The following TMEM184C variants were observed in gnomAD, a reference collection of about 807,000 sequenced individuals.
TMEM184C encodes transmembrane protein 184C.
TMEM184C carries 25 observed loss-of-function variants against 54.5 expected under a neutral mutation model. That is an observed-to-expected ratio of 0.46 (90% CI 0.33 to 0.64). The LOEUF (loss-of-function observed/expected upper bound fraction) is 0.64. Ranked by LOEUF, TMEM184C falls within the 30% of genes least tolerant of loss-of-function variation. TMEM184C has a pLI of 0.02. For missense variants in TMEM184C, 335 were observed against 520.3 expected, an observed-to-expected ratio of 0.64 and a Z score of 3.46; for synonymous variants, 148 against 181.5, an observed-to-expected ratio of 0.82 and a Z score of 1.49.
chr4:147,625,033 T>C, intron 4 of TMEM184C, 24 bp downstream of exon 4: 1 of 1,611,064 alleles, frequency 6.2e-7, no homozygotes, highest in Non-Finnish European at 8.5e-7. Context: ...GTTTAATTCT[T>C]TTATGTTTTG....
intron 9 of TMEM184C, 35 bp downstream of exon 9, chr4:147,633,971 T>G: frequency 6.3e-7 from 1 of 1,585,004 alleles, no homozygotes; most frequent in South Asian, 1.2e-5. Flanking sequence ...CCAAATAGGT[T>G]GGGTAGGATA....
intron 1 of TMEM184C, among the ~76,000 whole-genome samples, chr4:147,623,178 G>A (rs1395726951): frequency 6.6e-6 from 1 of 152,174 alleles, no homozygotes; most frequent in Non-Finnish European, 1.5e-5. Flanking sequence ...CGTGCACGGT[G>A]GCTCATGCCT....
At chr4:147,627,992 A>G (rs1732845781) in intron 4 of TMEM184C, among the ~76,000 whole-genome samples, 1 of 150,596 alleles carries the variant, frequency 6.6e-6, no homozygotes. Context: ...GTGAGACCCC[A>G]TGTCTACAGA....
chr4:147,633,120 G>A (rs890156703), intron 8 of TMEM184C, 118 bp downstream of exon 8: 4 of 747,838 alleles, frequency 5.3e-6, no homozygotes, highest in African/African-American at 3.6e-5. Flanking sequence ...CTTTACAGGT[G>A]AGAAAACAGG....
At chr4:147,623,996 TTG>T (rs1248582966) in intron 2 of TMEM184C, 32 bp downstream of exon 2, 6 of 1,612,344 alleles carry the variant, frequency 3.7e-6, no homozygotes, top group Non-Finnish European at 5.1e-6. Flanking sequence ...TCCACTACTG[TTG>T]TGTTGGCTTA....
rs1180184624 is a variant in TMEM184C at position 147,631,399 on chromosome 4, A to G, written c.673A>G (p.Met225Val). 1 of 1,574,506 alleles carries G rather than the reference A, an allele frequency of 6.4e-7. No homozygotes were observed. The highest frequency in any genetic ancestry group is 1.4e-5 in the African/African-American group (1 of 72,100). ...IINNMSQLFA[M>V]YCLLLFYKVL... is the part of the protein sequence containing the mutation. Reference sequence around the variant, plus strand: ...ATGTTAATCTTGTTTCTAGTTTGCCATGTATTGTCTCCTGCTCTTTTATAA... The same window carrying G: ...ATGTTAATCTTGTTTCTAGTTTGCCGTGTATTGTCTCCTGCTCTTTTATAA... The change falls in exon 7 of 10, where the codon ATG (methionine) becomes GTG (valine). Residue 225 changes from methionine to valine, a missense_variant. Physicochemically the swap from Met to Val is conservative, Grantham distance 21 (BLOSUM62 1). Coordinates refer to ENST00000296582, the MANE Select transcript of TMEM184C (RefSeq NM_018241.3).
chr4:147,628,928 A>C lies in TMEM184C; in HGVS notation c.572+493A>C, dbSNP rs550413820. Reference sequence around the variant, plus strand: ...AACTATTCCCTAAAAATTCAAGAACATCAAATACTTTAATGCCAATAGATT... The same window carrying C: ...AACTATTCCCTAAAAATTCAAGAACCTCAAATACTTTAATGCCAATAGATT... On this transcript the variant is annotated intron_variant, in intron 5 of 9. Coordinates refer to ENST00000296582, the MANE Select transcript of TMEM184C (RefSeq NM_018241.3). Among the ~76,000 whole-genome samples the C allele has an allele frequency of 3.9e-5, 6 of 152,336 alleles. No homozygotes were observed. In the South Asian group the frequency reaches 1.2e-3, roughly 32 times the overall value.
chr4:147,617,819 T>G lies in TMEM184C; in HGVS notation c.-138T>G, dbSNP rs1023776363. On this transcript the variant is annotated 5_prime_UTR_variant, in exon 1 of 10. Coordinates refer to ENST00000296582, the MANE Select transcript of TMEM184C (RefSeq NM_018241.3). ...ACACAGCGCCGGTCCAGGAGGCGGC[T>G]CGAGCTGTTCGTAAAGTCGCCCGAC... is the stretch of plus-strand genomic sequence containing the variant. 2 of 1,239,992 alleles carry G rather than the reference T, an allele frequency of 1.6e-6. No individual in the cohort carries two copies. Among genetic ancestry groups the G allele is most frequent in the Admixed American group, 3.6e-5 (2 of 55,996 alleles). The allele number at this position is 1,239,992 out of a possible 1,614,324, so 76.8% of individuals were successfully genotyped here.
At position 147,631,476 on chromosome 4, in the gene TMEM184C, T is replaced by C. The variant is rs1732915896; in HGVS notation, c.750T>C (p.Cys250=). 2.5e-6 allele frequency: 4 copies of C among 1,607,690 alleles called. No individual in the cohort carries two copies. The highest frequency in any genetic ancestry group is 2.7e-5 in the African/African-American group (2 of 74,482). Residue 250 remains cysteine, a synonymous_variant, in exon 7 of 10, where the codon TGT becomes TGC. Coordinates refer to ENST00000296582, the MANE Select transcript of TMEM184C (RefSeq NM_018241.3). ...TCCAACCTGTTGGCAAATTTCTTTGTGTAAAGCTGGTGGTTTTTGTTTCTT... is the reference window on the plus strand; with the variant it reads ...TCCAACCTGTTGGCAAATTTCTTTGCGTAAAGCTGGTGGTTTTTGTTTCTT... ...SPIQPVGKFL[C]VKLVVFVSFW...
chr4:147,626,027 G>C (rs1181594794), intron 4 of TMEM184C, among the ~76,000 whole-genome samples: 1 of 152,112 alleles, frequency 6.6e-6, no homozygotes, highest in Non-Finnish European at 1.5e-5. Context: ...TACTGAGTCA[G>C]TTCCTGGGTG....
At chr4:147,618,785 C>CA (rs1732648710) in intron 1 of TMEM184C, among the ~76,000 whole-genome samples, 1 of 152,162 alleles carries the variant, frequency 6.6e-6, no homozygotes, top group South Asian at 2.1e-4. Flanking sequence ...TTTACATAAA[C>CA]TGTATTTAAT....
chr4:147,618,953 T>G (rs971982627), intron 1 of TMEM184C, among the ~76,000 whole-genome samples: 8 of 152,184 alleles, frequency 5.3e-5, no homozygotes, highest in African/African-American at 1.9e-4. Flanking sequence ...CACCGCAACC[T>G]CCGCCTCCTG....
rs2126556560 is a variant in TMEM184C, at chr4:147,635,221, A to G, written c.*787A>G. Reference sequence around the variant, plus strand: ...TTCAATAAATAAGAATTTATCATTTATTTTCTGCAACTTTTTTATGTCTCA... The same window carrying G: ...TTCAATAAATAAGAATTTATCATTTGTTTTCTGCAACTTTTTTATGTCTCA... On this transcript the variant is annotated 3_prime_UTR_variant, in exon 10 of 10. Transcript: ENST00000296582. 6.6e-6 allele frequency: 1 copy of G among 152,182 alleles called. No homozygotes were observed. The allele number at this position is 152,182 out of a possible 1,614,324, so 9.4% of individuals were successfully genotyped here.
At position 147,628,420 on chromosome 4, in the gene TMEM184C, C is replaced by G. The variant is rs1732852668; in HGVS notation, c.557C>G (p.Thr186Ser). The change falls in exon 5 of 10, where the codon ACC becomes AGC. Residue 186 changes from threonine (T) to serine (S), a missense_variant. Physicochemically the swap from Thr to Ser is moderately conservative, Grantham distance 58. Coordinates refer to ENST00000296582, the MANE Select transcript of TMEM184C (RefSeq NM_018241.3). Reference protein sequence around the residue: ...VLQYTVVRPFTTIVALICELL... With the variant: ...VLQYTVVRPFSTIVALICELL... ...CAGTACACAGTTGTCAGACCTTTCACCACCATCGTTGCTTTGTAAGTACTC... is the reference window on the plus strand; with the variant it reads ...CAGTACACAGTTGTCAGACCTTTCAGCACCATCGTTGCTTTGTAAGTACTC... 6.2e-7 allele frequency: 1 copy of G among 1,613,620 alleles called. No homozygotes were observed. The highest frequency in any genetic ancestry group is 8.5e-7 in the Non-Finnish European group (1 of 1,179,864).
Position 147,632,887 on chromosome 4 carries a change from T to G in TMEM184C, c.780-16T>G. 1 of 1,607,900 alleles carries G rather than the reference T, an allele frequency of 6.2e-7. No individual in the cohort carries two copies. Among genetic ancestry groups the G allele is most frequent in the Non-Finnish European group, 8.5e-7 (1 of 1,177,012 alleles). ...GCTTGATATAGATTTGGCGTTTACC[T>G]TTTCCTAACATATAGGCAAGCAGTA... On this transcript the variant is annotated splice_polypyrimidine_tract_variant and intron_variant, in intron 7 of 9. Transcript: ENST00000296582.
At position 147,629,538 on chromosome 4, in the gene TMEM184C, T is replaced by C. The variant is rs1732875418; in HGVS notation, c.573-61T>C. ...GACTTCTAAATTTAAGTATTGCTAT[T>C]GCTGTATTTTGAAGTACGATTTTGA... On this transcript the variant is annotated intron_variant, in intron 5 of 9. Transcript: ENST00000296582. 4 of 1,212,366 alleles carry C rather than the reference T, an allele frequency of 3.3e-6. No individual in the cohort carries two copies. In the South Asian group the frequency reaches 5.5e-5, roughly 17 times the overall value. The allele number at this position is 1,212,366 out of a possible 1,614,324, so 75.1% of individuals were successfully genotyped here. A position where few individuals can be genotyped will look rare whatever the true frequency, so the allele number is the denominator to read the frequency against.
In TMEM184C at chr4:147,623,866, T is replaced by A; in HGVS notation, c.156T>A (p.Ala52=). ...VGIHTKAWFI[A]GIFLLLTIPI... ...TACACACCAAGGCTTGGTTTATTGCTGGAATCTTTTTGCTGTTGACTATTC... is the reference window on the plus strand; with the variant it reads ...TACACACCAAGGCTTGGTTTATTGCAGGAATCTTTTTGCTGTTGACTATTC... Residue 52 remains alanine, a synonymous_variant, in exon 2 of 10, where the codon GCT becomes GCA. Coordinates refer to ENST00000296582, the MANE Select transcript of TMEM184C (RefSeq NM_018241.3). 1 of 1,614,062 alleles carries A rather than the reference T, an allele frequency of 6.2e-7. No homozygotes were observed.
At position 147,636,160 on chromosome 4, in the gene TMEM184C, G is replaced by A. The variant is rs539655428; in HGVS notation, c.*1726G>A. On this transcript the variant is annotated 3_prime_UTR_variant, in exon 10 of 10. Transcript: ENST00000296582. Reference sequence around the variant, plus strand: ...TTCATATGTAACGATAAAAGACCCTGAATAGGCAAAAGAATACTGAGGAAA... The same window carrying A: ...TTCATATGTAACGATAAAAGACCCTAAATAGGCAAAAGAATACTGAGGAAA... 6.6e-6 allele frequency: 1 copy of A among 151,972 alleles called. No homozygotes were observed. The allele number at this position is 151,972 out of a possible 1,614,324, so 9.4% of individuals were successfully genotyped here.
intron 5 of TMEM184C, 113 bp downstream of exon 5, chr4:147,628,548 T>A (rs1732855080): frequency 1.2e-6 from 1 of 829,220 alleles, no homozygotes; most frequent in Non-Finnish European, 1.9e-6. Flanking sequence ...AGGTCTAGTC[T>A]GTTGTAAAAA....
Sources: gnomAD v4.1 joint callset for allele counts (sites outside exome capture counted in the v4.1 genomes callset) on GRCh38, gnomAD v4.1.1 for gene constraint, MANE v1.5 for transcripts, NCBI Gene and HGNC (gene_info 2026-07-23, HGNC 2026-07-21) for gene names.